Variants in PRPF4 observed in about 807,000 individuals in gnomAD.
The protein encoded by PRPF4 is U4/U6 small nuclear ribonucleoprotein Prp4.
PRPF4 carries 14 observed loss-of-function variants against 72.2 expected under a neutral mutation model. That is an observed-to-expected ratio of 0.19 (90% CI 0.13 to 0.30). The LOEUF (loss-of-function observed/expected upper bound fraction) is 0.30, where lower values mean the gene tolerates loss of function less well. PRPF4 is among the 10% of genes least tolerant of loss of function. PRPF4 has a pLI of 1.00. For missense variants in PRPF4, 478 were observed against 653.9 expected (o/e 0.73, Z 2.93); for synonymous variants, 225 against 232.2 (o/e 0.97, Z 0.28).
intron 9 of PRPF4, among the ~76,000 whole-genome samples, chr9:113,287,700 G>A (rs1350814070): frequency 6.6e-6 from 1 of 152,146 alleles, no homozygotes; most frequent in Non-Finnish European, 1.5e-5. Flanking sequence ...TATTCCCCTT[G>A]GGCTTTGGCT....
At chr9:113,283,046 C>T (rs991611887) in intron 4 of PRPF4, 86 bp from the exon 5 acceptor site, 2 of 1,591,684 alleles carry the variant, frequency 1.3e-6, no homozygotes, top group Non-Finnish European at 1.7e-6. Flanking sequence ...CACCTTCCTT[C>T]TGGGCAGTTA....
chr9:113,288,303 T>G, intron 10 of PRPF4, 39 bp downstream of exon 10: 2 of 1,575,428 alleles, frequency 1.3e-6, no homozygotes, highest in Non-Finnish European at 1.7e-6. Flanking sequence ...TATAGGCCTG[T>G]AGCATCTTCT....
rs1389388359 is a variant in PRPF4 at position 113,290,799 on chromosome 9, C to T, written c.1245C>T (p.Ser415=). The T allele has an allele frequency of 3.1e-6, 5 of 1,614,070 alleles. No homozygotes were observed. In the Admixed American group the frequency reaches 5.0e-5, roughly 16 times the overall value. The change falls in exon 12 of 14, where the codon TCC becomes TCT. Residue 415 remains serine (S), a synonymous_variant. Coordinates refer to ENST00000374198, the MANE Select transcript of PRPF4 (RefSeq NM_001244926.2). ...HLKEIYGINF[S]PNGYHIATGS... ...AAGAAATCTATGGAATAAATTTCTC[C>T]CCCAATGGGTAAAATAAACACACTG...
At chr9:113,286,914 G>C in intron 9 of PRPF4, 86 bp downstream of exon 9, 1 of 1,596,176 alleles carries the variant, frequency 6.3e-7, no homozygotes, top group Non-Finnish European at 8.6e-7. Flanking sequence ...GTAAAAATCT[G>C]GCATTTAGGC....
chr9:113,287,652 G>T (rs1832489982), intron 9 of PRPF4, among the ~76,000 whole-genome samples: 1 of 152,258 alleles, frequency 6.6e-6, no homozygotes, highest in Non-Finnish European at 1.5e-5. Context: ...TAGGAGCGCA[G>T]TGAGTTTTAA....
At chr9:113,288,098 T>C (rs1178097279) in intron 9 of PRPF4, 77 bp from the exon 10 acceptor site, 1 of 1,358,050 alleles carries the variant, frequency 7.4e-7, no homozygotes, top group Non-Finnish European at 1.0e-6. Context: ...AGAATGGGTA[T>C]GTCTGCACAG....
chr9:113,288,791 A>G (rs898115139), intron 10 of PRPF4, among the ~76,000 whole-genome samples: 1 of 152,192 alleles, frequency 6.6e-6, no homozygotes, highest in African/African-American at 2.4e-5. Context: ...AAATTACCAG[A>G]AAACAAGGAT....
chr9:113,283,371 G>A lies in PRPF4; in HGVS notation c.561-18G>A, dbSNP rs894719335. Reference sequence around the variant, plus strand: ...TTACAACCCTGTTGCTCCTGGTGATGGTGTTTCTGTGTCGCAGGGCAATGA... The same window carrying A: ...TTACAACCCTGTTGCTCCTGGTGATAGTGTTTCTGTGTCGCAGGGCAATGA... On this transcript the variant is annotated intron_variant, in intron 5 of 13. Coordinates refer to ENST00000374198, the MANE Select transcript of PRPF4 (RefSeq NM_001244926.2). 9 of 1,613,966 alleles carry A rather than the reference G, an allele frequency of 5.6e-6. No homozygotes were observed. The highest frequency in any genetic ancestry group is 1.3e-5 in the African/African-American group (1 of 74,912).
At chr9:113,280,066 C>A (rs915264420) in intron 3 of PRPF4, among the ~76,000 whole-genome samples, 2 of 152,136 alleles carry the variant, frequency 1.3e-5, no homozygotes, top group Non-Finnish European at 1.5e-5. Context: ...CAACCTGCTG[C>A]AAACTGACCA....
At chr9:113,281,372 T>C (rs1427364272) in intron 3 of PRPF4, among the ~76,000 whole-genome samples, 1 of 152,208 alleles carries the variant, frequency 6.6e-6, no homozygotes, top group Admixed American at 6.5e-5. Flanking sequence ...TTATTCATTA[T>C]TATGTTCCTT....
intron 2 of PRPF4, among the ~76,000 whole-genome samples, 182 bp downstream of exon 2, chr9:113,276,907 C>G (rs555819591): frequency 1.3e-5 from 2 of 151,896 alleles, no homozygotes; most frequent in East Asian, 1.9e-4. Context: ...CTCCGCCTCC[C>G]GGGTTCAAGC....
intron 10 of PRPF4, among the ~76,000 whole-genome samples, chr9:113,288,471 CTG>C (rs1412978518): frequency 2.0e-5 from 3 of 150,154 alleles, no homozygotes; most frequent in Admixed American, 6.7e-5. Context: ...GAGTCTCACT[CTG>C]TCACCCAGGC....
At chr9:113,282,597 A>G (rs1469756997) in intron 3 of PRPF4, 49 bp from the exon 4 acceptor site, 1 of 1,391,356 alleles carries the variant, frequency 7.2e-7, no homozygotes, top group Non-Finnish European at 1.0e-6. Context: ...TAAAAACAGT[A>G]TTATCTCAAC....
In PRPF4 at chr9:113,290,594, G is replaced by C. The variant is rs376548432; in HGVS notation, c.1145+6G>C. On this transcript the variant is annotated splice_donor_region_variant and intron_variant, in intron 11 of 13. Coordinates refer to ENST00000374198, the MANE Select transcript of PRPF4 (RefSeq NM_001244926.2). Reference sequence around the variant, plus strand: ...GGCTCTTTGGCTGGCACTGGGTAAGGCTTCTCCCATGTAGTCAGGGGCAGT... The same window carrying C: ...GGCTCTTTGGCTGGCACTGGGTAAGCCTTCTCCCATGTAGTCAGGGGCAGT... The C allele has an allele frequency of 1.9e-6, 3 of 1,613,968 alleles. No individual in the cohort carries two copies. The highest frequency in any genetic ancestry group is 2.5e-6 in the Non-Finnish European group (3 of 1,180,024).
At chr9:113,280,125 T>C (rs984535684) in intron 3 of PRPF4, among the ~76,000 whole-genome samples, 11 of 152,096 alleles carry the variant, frequency 7.2e-5, no homozygotes, top group African/African-American at 2.7e-4. Context: ...CAATCCACCT[T>C]TACTAAGAAT....
chr9:113,281,030 G>A (rs909401036), intron 3 of PRPF4, among the ~76,000 whole-genome samples: 7 of 152,014 alleles, frequency 4.6e-5, no homozygotes, highest in African/African-American at 1.7e-4. Context: ...TAGTAGAGAC[G>A]GGGTTTCAAC....
At position 113,290,594 on chromosome 9, in the gene PRPF4, G is replaced by A; in HGVS notation, c.1145+6G>A. On this transcript the variant is annotated splice_donor_region_variant and intron_variant, in intron 11 of 13. Coordinates refer to ENST00000374198, the MANE Select transcript of PRPF4 (RefSeq NM_001244926.2). ...GGCTCTTTGGCTGGCACTGGGTAAG[G>A]CTTCTCCCATGTAGTCAGGGGCAGT... 6.2e-7 allele frequency: 1 copy of A among 1,614,086 alleles called. No homozygotes were observed. Among genetic ancestry groups the A allele is most frequent in the South Asian group, 1.1e-5 (1 of 91,074 alleles).
At chr9:113,279,190 AT>A (rs1287922104) in intron 3 of PRPF4, 59 bp downstream of exon 3, 125 of 1,465,822 alleles carry the variant, frequency 8.5e-5, no homozygotes, top group Non-Finnish European at 1.1e-4. Flanking sequence ...TCTACTCCAA[AT>A]TTTGGTTGAT....
intron 7 of PRPF4, among the ~76,000 whole-genome samples, chr9:113,285,771 G>A (rs964113073): frequency 3.3e-5 from 5 of 151,986 alleles, no homozygotes; most frequent in Admixed American, 2.6e-4. Context: ...GAGGCTGGGT[G>A]ATAGAATTGC....
Sources: allele counts gnomAD v4.1 joint callset (sites outside exome capture counted in the v4.1 genomes callset), GRCh38; gene constraint gnomAD v4.1.1; transcripts MANE v1.5; gene names NCBI Gene and HGNC (gene_info 2026-07-23, HGNC 2026-07-21).